SLC5A10: variants seen among roughly 807,000 people sequenced by gnomAD.
The protein encoded by SLC5A10 is sodium/mannose cotransporter SLC5A10.
SLC5A10 carries 55 observed loss-of-function variants against 68.9 expected under a neutral mutation model. That is an observed-to-expected ratio of 0.80 (90% confidence interval 0.64 to 1.00). The LOEUF is 1.00. SLC5A10 is among the 50% of genes least tolerant of loss of function. SLC5A10 has a pLI of 0.00. For synonymous variants in SLC5A10, 344 were observed against 344.8 expected, an observed-to-expected ratio of 1.00 and a Z score of 0.02; for missense variants, 732 against 819.3, an observed-to-expected ratio of 0.89 and a Z score of 1.30.
chr17:19,020,254 C>G, intron 14 of SLC5A10, 42 bp downstream of exon 14: 3 of 1,613,402 alleles, frequency 1.9e-6, no homozygotes, highest in Non-Finnish European at 2.5e-6. Flanking sequence ...TTGACCCTGG[C>G]CTGGAGGCAA....
chr17:19,019,302 G>T (rs764330580), intron 11 of SLC5A10, 121 bp from the exon 12 acceptor site: 21 of 1,245,790 alleles, frequency 1.7e-5, no homozygotes, highest in Non-Finnish European at 2.3e-5. Flanking sequence ...AGTCCAGGGA[G>T]GAGGCTGGAG....
chr17:18,995,743 A>T (rs528418036), intron 9 of SLC5A10, among the ~76,000 whole-genome samples: 3 of 152,274 alleles, frequency 2.0e-5, no homozygotes. Context: ...CCCTGTCTCT[A>T]CTAAAAATAC....
At chr17:18,983,225 G>A (rs1445419780) in intron 9 of SLC5A10, among the ~76,000 whole-genome samples, 4 of 152,234 alleles carry the variant, frequency 2.6e-5, no homozygotes, top group Non-Finnish European at 4.4e-5. Context: ...CCTCCTCAGG[G>A]CCCTGCTGGC....
chr17:18,992,153 G>A (rs1410517990), intron 9 of SLC5A10, among the ~76,000 whole-genome samples: 3 of 152,086 alleles, frequency 2.0e-5, no homozygotes, highest in Non-Finnish European at 2.9e-5. Context: ...CCAGCGCCCC[G>A]CCCGATGAGC....
At chr17:18,977,139 A>C in intron 9 of SLC5A10, 150 bp downstream of exon 9, 1 of 1,041,974 alleles carries the variant, frequency 9.6e-7, no homozygotes, top group South Asian at 1.6e-5. Context: ...TCAGGGCCAC[A>C]ATCAAAGGGA....
rs1555571540 is a variant in SLC5A10 at position 18,966,760 on chromosome 17, A to AAC, written c.454-2291_454-2290insCA. On this transcript the variant is annotated intron_variant, in intron 5 of 14. Coordinates refer to ENST00000395645, the MANE Select transcript of SLC5A10 (RefSeq NM_001042450.4). ...GCAAGACTCCGTCTCAAAAAAAAAA[A>AAC]AAAAAACAACACTCTGCGGTTGCTC... Among the ~76,000 whole-genome samples the AAC allele has an allele frequency of 5.2e-4, 78 of 151,134 alleles. 1 individual carries two copies. Among genetic ancestry groups the AAC allele is most frequent in the African/African-American group, 1.8e-3 (72 of 41,090 alleles).
At chr17:18,997,378 C>T (rs1370264341) in intron 9 of SLC5A10, among the ~76,000 whole-genome samples, 1 of 152,252 alleles carries the variant, frequency 6.6e-6, no homozygotes, top group Non-Finnish European at 1.5e-5. Context: ...GGGCAAGATC[C>T]TTTCCCGCTG....
intron 5 of SLC5A10, among the ~76,000 whole-genome samples, chr17:18,962,742 G>A: frequency 6.6e-6 from 1 of 152,152 alleles, no homozygotes; most frequent in East Asian, 1.9e-4. Context: ...GACTGGAGGT[G>A]AGAGAGACAA....
chr17:18,988,140 G>A, intron 9 of SLC5A10: 1 of 1,484,364 alleles, frequency 6.7e-7, no homozygotes, highest in Middle Eastern at 2.5e-4. Flanking sequence ...GACTCTGAGT[G>A]CCTGGCACAG....
chr17:19,001,486 G>A (rs2043728257), intron 9 of SLC5A10, among the ~76,000 whole-genome samples: 2 of 152,206 alleles, frequency 1.3e-5, no homozygotes, highest in South Asian at 4.1e-4. Context: ...CCACCTGTCC[G>A]AGGCTGGAGG....
chr17:19,019,745 G>A lies in SLC5A10; in HGVS notation c.1443G>A (p.Val481=). The change falls in exon 13 of 15, where the codon GTG becomes GTA. Residue 481 remains valine, a synonymous_variant. Coordinates refer to ENST00000395645, the MANE Select transcript of SLC5A10 (RefSeq NM_001042450.4). ...TCTGGGGCCTGATAGCAGGGCTGGT[G>A]GTGGGGGCCACGAGGCTGGTCCTGG... is the stretch of plus-strand genomic sequence containing the variant. The part of the protein sequence containing the change: ...GAFWGLIAGL[V]VGATRLVLEF... 6.2e-7 allele frequency: 1 copy of A among 1,612,224 alleles called. No individual in the cohort carries two copies. The highest frequency in any genetic ancestry group is 8.5e-7 in the Non-Finnish European group (1 of 1,179,760).
intron 9 of SLC5A10, among the ~76,000 whole-genome samples, chr17:18,984,733 T>A (rs2043226486): frequency 6.6e-6 from 1 of 152,206 alleles, no homozygotes; most frequent in Non-Finnish European, 1.5e-5. Flanking sequence ...GGAGCATCCC[T>A]CCACACCCAG....
At chr17:18,986,032 G>A (rs1266969480) in intron 9 of SLC5A10, 2 of 152,352 alleles carry the variant, frequency 1.3e-5, no homozygotes, top group East Asian at 3.8e-4. Context: ...GCATCACTAT[G>A]GCCATGGGGC....
chr17:19,016,048 ATTC>A (rs751137228), intron 11 of SLC5A10, among the ~76,000 whole-genome samples: 12 of 148,004 alleles, frequency 8.1e-5, no homozygotes, highest in African/African-American at 1.7e-4. Context: ...CCATTGTATC[ATTC>A]TTTTTTTTTT....
chr17:18,952,485 A>T, intron 1 of SLC5A10, 169 bp downstream of exon 1: 1 of 744,316 alleles, frequency 1.3e-6, no homozygotes, highest in Non-Finnish European at 2.1e-6. Context: ...GGAGACCTTG[A>T]CCAAGCCCGT....
chr17:19,004,017 G>A lies in SLC5A10; in HGVS notation c.983-9393G>A. 1 of 1,607,470 alleles carries A rather than the reference G, an allele frequency of 6.2e-7. No individual in the cohort carries two copies. ...CGCCAGTTCACATGGTTGTCGTCCA[G>A]ACACTGCACCTGAGAGAAGGCCATG... On this transcript the variant is annotated intron_variant, in intron 9 of 14. Coordinates refer to ENST00000395645, the MANE Select transcript of SLC5A10 (RefSeq NM_001042450.4). This position sits in a 1 kb window ranked among gnomAD's most constrained non-coding sequence, Gnocchi z 5.4.
chr17:18,985,783 G>A (rs548967082), intron 9 of SLC5A10, among the ~76,000 whole-genome samples: 12 of 152,320 alleles, frequency 7.9e-5, no homozygotes, highest in South Asian at 6.2e-4. Flanking sequence ...GAAGCGAGGC[G>A]GCTGAGCAGG....
At position 19,017,993 on chromosome 17, in the gene SLC5A10, G is replaced by A. The variant is rs1464909876; in HGVS notation, c.1242-1430G>A. On this transcript the variant is annotated intron_variant, in intron 11 of 14. Coordinates refer to ENST00000395645, the MANE Select transcript of SLC5A10 (RefSeq NM_001042450.4). This position sits in a 1 kb window ranked among gnomAD's most constrained non-coding sequence, Gnocchi z 5.6. ...GTCTGGTGTTGGGCGGGAGAGCTGTGTGCAGAGGGCGGGGTGGGCAGGCGT... is the reference window on the plus strand; with the variant it reads ...GTCTGGTGTTGGGCGGGAGAGCTGTATGCAGAGGGCGGGGTGGGCAGGCGT... 6.5e-6 allele frequency: 1 copy of A among 153,204 alleles called. No homozygotes were observed. The highest frequency in any genetic ancestry group is 2.4e-5 in the African/African-American group (1 of 41,460). 9.5% of individuals were successfully genotyped at this position (153,204 alleles called of 1,614,324 possible).
chr17:18,951,380 G>A (rs1207139793), upstream of SLC5A10, among the ~76,000 whole-genome samples: 1 of 28,470 alleles, frequency 3.5e-5, no homozygotes, highest in Admixed American at 2.6e-4. Flanking sequence ...TCCTTGACTA[G>A]GATGAGACAT....
Sources: allele counts gnomAD v4.1 joint callset (sites outside exome capture counted in the v4.1 genomes callset), GRCh38; gene constraint gnomAD v4.1.1; non-coding constraint Gnocchi (gnomAD v3.1); transcripts MANE v1.5; gene names NCBI Gene and HGNC (gene_info 2026-07-23, HGNC 2026-07-21).